The following SLC19A3 variants were observed in gnomAD, a reference collection of about 807,000 sequenced individuals.
SLC19A3 encodes thiamine transporter 2.
A neutral mutation model predicts 40.2 loss-of-function variants in SLC19A3; 31 were observed. The observed-to-expected ratio is 0.77, with a 90% CI of 0.58 to 1.04. The LOEUF (loss-of-function observed/expected upper bound fraction) is 1.04, where lower values mean the gene tolerates loss of function less well. Among genes scored for constraint, SLC19A3 ranks in the 50% least tolerant of loss-of-function variants. The pLI, the probability that SLC19A3 is intolerant of heterozygous loss-of-function variation, is 0.00. For synonymous variants in SLC19A3, 212 were observed against 227.5 expected (o/e 0.93, Z 0.61); for missense variants, 592 against 596.7 (o/e 0.99, Z 0.08).
At chr2:227,707,411 C>G (rs1695986296) in intron 1 of SLC19A3, among the ~76,000 whole-genome samples, 1 of 151,908 alleles carries the variant, frequency 6.6e-6, no homozygotes, top group Non-Finnish European at 1.5e-5. Flanking sequence ...ACGGTGAAAC[C>G]CTGTCTCTAC....
intron 1 of SLC19A3, among the ~76,000 whole-genome samples, chr2:227,707,454 G>A (rs12463441): frequency 0.42 from 63,878 of 151,692 alleles, 15,207 homozygotes; most frequent in Non-Finnish European, 0.55. Flanking sequence ...ATGGTGATGC[G>A]CACCTGTAAT....
chr2:227,695,551 C>A, intron 4 of SLC19A3: 1 of 315,426 alleles, frequency 3.2e-6, no homozygotes, highest in Non-Finnish European at 6.1e-6. Flanking sequence ...GCATTGAGTC[C>A]TGATCGTGAT....
Position 227,687,902 on chromosome 2 carries a change from G to A in SLC19A3, c.1314+264C>T, listed in dbSNP as rs138051988. 1.0e-3 allele frequency among the ~76,000 whole-genome samples: 158 copies of A among 152,272 alleles called. 7 individuals carry two copies. In the East Asian group the frequency reaches 0.03, roughly 29 times the overall value. On this transcript the variant is annotated intron_variant, in intron 5 of 5. Transcript: ENST00000644224. ...TTGACCTGTCTCTATGTCTTTGTTT[G>A]GAGGCTGGTGCAATGCTACATTCAA...
At chr2:227,714,329 G>A (rs1696254004) in intron 1 of SLC19A3, 3 of 655,768 alleles carry the variant, frequency 4.6e-6, no homozygotes, top group Non-Finnish European at 5.7e-6. Context: ...AACAGTGCCC[G>A]TAACGCAAAG....
chr2:227,715,004 G>A (rs1004318345), intron 1 of SLC19A3, among the ~76,000 whole-genome samples: 2 of 151,824 alleles, frequency 1.3e-5, no homozygotes, highest in African/African-American at 4.8e-5. Context: ...ATTTTTAGTA[G>A]AGACAGGGTT....
chr2:227,711,638 G>C (rs868070465), intron 1 of SLC19A3, among the ~76,000 whole-genome samples: 3 of 151,636 alleles, frequency 2.0e-5, no homozygotes, highest in Non-Finnish European at 4.4e-5. Flanking sequence ...ACAGATCTTC[G>C]TTACCTAGGG....
At chr2:227,706,159 A>G (rs7585761) in intron 1 of SLC19A3, among the ~76,000 whole-genome samples, 26,578 of 152,074 alleles carry the variant, frequency 0.17, 2,856 homozygotes, top group African/African-American at 0.29. Flanking sequence ...ACAAAGTATT[A>G]TTCTGGAATA....
At chr2:227,711,622 A>G (rs889249716) in intron 1 of SLC19A3, among the ~76,000 whole-genome samples, 7 of 152,080 alleles carry the variant, frequency 4.6e-5, no homozygotes, top group Admixed American at 2.6e-4. Context: ...TGCCATCCAG[A>G]AGGAAACAGA....
At chr2:227,694,585 A>G (rs967967567) in intron 4 of SLC19A3, among the ~76,000 whole-genome samples, 2 of 152,212 alleles carry the variant, frequency 1.3e-5, no homozygotes, top group Non-Finnish European at 2.9e-5. Flanking sequence ...TTGAAATTCA[A>G]ATGTTTCTCA....
At chr2:227,690,697 A>G (rs1252809187) in intron 4 of SLC19A3, among the ~76,000 whole-genome samples, 7 of 111,936 alleles carry the variant, frequency 6.3e-5, no homozygotes, top group African/African-American at 2.5e-4. Context: ...ACAGACCGAG[A>G]CTCCATCTCA....
intron 1 of SLC19A3, among the ~76,000 whole-genome samples, chr2:227,717,690 A>G (rs2106347410): frequency 6.6e-6 from 1 of 152,122 alleles, no homozygotes; most frequent in South Asian, 2.1e-4. Context: ...CTTTACGGGA[A>G]TCATGATTTT....
intron 4 of SLC19A3, among the ~76,000 whole-genome samples, chr2:227,690,473 C>T (rs112114926): frequency 0.041 from 6,287 of 151,748 alleles, 350 homozygotes; most frequent in African/African-American, 0.12. Flanking sequence ...TTTGGGAGGC[C>T]GAGGTGGGCA....
At chr2:227,700,853 G>A (rs1695658339) in intron 2 of SLC19A3, 2 of 1,125,040 alleles carry the variant, frequency 1.8e-6, no homozygotes, top group African/African-American at 1.6e-5. Flanking sequence ...AAGGACTGGA[G>A]TTGCTGATCT....
chr2:227,695,059 A>G, intron 4 of SLC19A3, among the ~76,000 whole-genome samples: 1 of 152,100 alleles, frequency 6.6e-6, no homozygotes, highest in East Asian at 1.9e-4. Context: ...CTCAAAAAGA[A>G]CAAAAGAAAA....
In SLC19A3 at chr2:227,687,282, G is replaced by C. The variant is rs549546166; in HGVS notation, c.*115C>G. On this transcript the variant is annotated 3_prime_UTR_variant, in exon 6 of 6. Coordinates refer to ENST00000644224, the MANE Select transcript of SLC19A3 (RefSeq NM_025243.4). ...TGTTGTGGTTTTGAAAGGTCCATTGGAATCCAGATTTGCAAAGCATGTCAA... is the reference window on the plus strand; with the variant it reads ...TGTTGTGGTTTTGAAAGGTCCATTGCAATCCAGATTTGCAAAGCATGTCAA... 1.1e-3 allele frequency: 1,223 copies of C among 1,105,530 alleles called. 22 individuals are homozygous for C. In the South Asian group the frequency reaches 0.018, roughly 17 times the overall value. The allele number at this position is 1,105,530 out of a possible 1,614,324, so 68.5% of individuals were successfully genotyped here. A position where few individuals can be genotyped will look rare whatever the true frequency, so the allele number is the denominator to read the frequency against.
chr2:227,691,920 G>T (rs1282804963), intron 4 of SLC19A3, among the ~76,000 whole-genome samples: 3 of 152,052 alleles, frequency 2.0e-5, no homozygotes, highest in African/African-American at 7.2e-5. Context: ...GAAATTTAAA[G>T]GATCATCAGT....
chr2:227,713,185 T>TTCTTTCTA (rs1696198238), intron 1 of SLC19A3, among the ~76,000 whole-genome samples: 1 of 151,958 alleles, frequency 6.6e-6, no homozygotes, highest in African/African-American at 2.4e-5. Flanking sequence ...CAGGATTGCT[T>TTCTTTCTA]GAGGCCGGGA....
intron 1 of SLC19A3, among the ~76,000 whole-genome samples, chr2:227,709,475 C>T (rs1446042679): frequency 2.6e-5 from 4 of 152,070 alleles, no homozygotes; most frequent in Non-Finnish European, 5.9e-5. Flanking sequence ...CAGAGCGAGA[C>T]TCTGTCCCAA....
intron 1 of SLC19A3, among the ~76,000 whole-genome samples, chr2:227,711,616 A>G (rs1291432557): frequency 6.6e-6 from 1 of 152,136 alleles, no homozygotes; most frequent in African/African-American, 2.4e-5. Context: ...ACAGCATGCC[A>G]TCCAGAAGGA....
Sources: gnomAD v4.1 joint callset for allele counts (sites outside exome capture counted in the v4.1 genomes callset) on GRCh38, gnomAD v4.1.1 for gene constraint, MANE v1.5 for transcripts, NCBI Gene and HGNC (gene_info 2026-07-23, HGNC 2026-07-21) for gene names.